The following ZNF586 variants were observed in gnomAD, a reference collection of about 807,000 sequenced individuals.
The protein encoded by ZNF586 is zinc finger protein 586.
Under a neutral mutation model 6.7 loss-of-function variants are expected in ZNF586, and 7 were observed. The observed-to-expected ratio is 1.04, with a 90% CI of 0.59 to 1.95. The LOEUF is 1.95. Ranked by LOEUF, ZNF586 falls within the 30% of genes most tolerant of loss-of-function variation. The probability of loss-of-function intolerance (pLI) is 0.00; values close to 1 mark genes in which losing one functional copy is unlikely to be tolerated. For synonymous variants in ZNF586, 166 were observed against 168.7 expected, an observed-to-expected ratio of 0.98 and a Z score of 0.12; for missense variants, 442 against 489.6, an observed-to-expected ratio of 0.90 and a Z score of 0.92.
At chr19:57,771,692 A>G (rs918774865) in intron 1 of ZNF586, among the ~76,000 whole-genome samples, 3 of 152,176 alleles carry the variant, frequency 2.0e-5, no homozygotes, top group African/African-American at 7.2e-5. Context: ...TGAGTGGGCA[A>G]CAGACTGTGG....
intron 1 of ZNF586, among the ~76,000 whole-genome samples, chr19:57,771,410 T>C (rs1037181388): frequency 2.6e-5 from 4 of 151,818 alleles, no homozygotes; most frequent in African/African-American, 4.8e-5. Flanking sequence ...CCCAAAGTGC[T>C]GGGATGCCAA....
intron 1 of ZNF586, among the ~76,000 whole-genome samples, chr19:57,770,707 A>T (rs182170556): frequency 1.3e-5 from 2 of 152,334 alleles, no homozygotes; most frequent in East Asian, 3.9e-4. Context: ...GAGTCTATCA[A>T]ATCCGAGCAC....
chr19:57,769,924 C>G (rs1428425421), intron 1 of ZNF586, 46 bp downstream of exon 1: 1 of 1,400,160 alleles, frequency 7.1e-7, no homozygotes. Context: ...CCCACCCAGA[C>G]CCTGAGGCCC....
chr19:57,778,660 A>G (rs935062784), intron 2 of ZNF586, 91 bp from the exon 3 acceptor site: 11 of 1,208,498 alleles, frequency 9.1e-6, no homozygotes, highest in Non-Finnish European at 1.3e-5. Context: ...AATTCCATAG[A>G]CTAGTTTTTT....
chr19:57,774,658 G>A (rs72490767), intron 1 of ZNF586: 1 of 286,418 alleles, frequency 3.5e-6, no homozygotes, highest in African/African-American at 3.1e-5. Flanking sequence ...GGTTCTTTTT[G>A]TCTGTGGATT....
intron 1 of ZNF586, 25 bp downstream of exon 1, chr19:57,769,903 T>TTGCCC: frequency 8.8e-6 from 13 of 1,475,818 alleles, no homozygotes; most frequent in Non-Finnish European, 1.2e-5. Context: ...CTCCGGGCCT[T>TTGCCC]ACCCACCCTA....
At chr19:57,774,568 AAAT>A (rs1450734234) in intron 1 of ZNF586, among the ~76,000 whole-genome samples, 4 of 146,774 alleles carry the variant, frequency 2.7e-5, no homozygotes, top group African/African-American at 8.1e-5. Context: ...ATAAATAAAT[AAAT>A]AAAAAGTCAT....
chr19:57,773,367 G>A (rs966148740), intron 1 of ZNF586, among the ~76,000 whole-genome samples: 1 of 150,720 alleles, frequency 6.6e-6, no homozygotes, highest in Non-Finnish European at 1.5e-5. Flanking sequence ...GAGGTAAATG[G>A]CCATGAAGGG....
chr19:57,770,080 C>A (rs945840401), intron 1 of ZNF586, among the ~76,000 whole-genome samples: 7 of 151,662 alleles, frequency 4.6e-5, no homozygotes, highest in Non-Finnish European at 8.8e-5. Flanking sequence ...GGCCTGCAGG[C>A]GCGACTGAGG....
At position 57,769,745 on chromosome 19, in the gene ZNF586, C is replaced by T. The variant is rs1024891821; in HGVS notation, c.-98C>T. The T allele has an allele frequency of 2.3e-6, 3 of 1,315,150 alleles. No individual in the cohort carries two copies. The highest frequency in any genetic ancestry group is 2.6e-5 in the East Asian group (1 of 39,054). 81.5% of individuals were successfully genotyped at this position (1,315,150 alleles called of 1,614,324 possible). A position where few individuals can be genotyped will look rare whatever the true frequency, so the allele number is the denominator to read the frequency against. On this transcript the variant is annotated 5_prime_UTR_variant, in exon 1 of 3. It introduces an in-frame stop codon into an upstream open reading frame of the 5' UTR. Transcript: ENST00000396154. Reference sequence around the variant, plus strand: ...GAGGAGTGGTTGTGGCCATTGCACACAGGCGGATCTGAGGTTCGGCGACGC... The same window carrying T: ...GAGGAGTGGTTGTGGCCATTGCACATAGGCGGATCTGAGGTTCGGCGACGC...
Position 57,779,334 on chromosome 19 carries a change from T to A in ZNF586, c.747T>A (p.Leu249=). ...CGRSFAENSS[L]IKHLRVHTGE... ...GATCCTTTGCTGAAAACTCCAGTCT[T>A]ATTAAACACTTGAGAGTTCACACAG... The change falls in exon 3 of 3, where the codon CTT becomes CTA. Residue 249 remains leucine (L), a synonymous_variant. Transcript: ENST00000396154. 1 of 1,613,164 alleles carries A rather than the reference T, an allele frequency of 6.2e-7. No individual in the cohort carries two copies. Among genetic ancestry groups the A allele is most frequent in the Non-Finnish European group, 8.5e-7 (1 of 1,179,834 alleles).
At chr19:57,775,856 C>A (rs62128156) in intron 1 of ZNF586, among the ~76,000 whole-genome samples, 5 of 152,176 alleles carry the variant, frequency 3.3e-5, no homozygotes, top group Non-Finnish European at 7.4e-5. Context: ...CCCGCCTCGG[C>A]GTCCCAAATT....
In ZNF586 at chr19:57,779,917, TTCTTTACATA is replaced by T; in HGVS notation, c.*122_*131del. ...AATATTCTTTAGCTAGAATGCTAGC[TTCTTTACATA>T]AAAGAGTGCTCCCACTGAAGAAGTG... On this transcript the variant is annotated 3_prime_UTR_variant, in exon 3 of 3. Transcript: ENST00000396154. 1.1e-6 allele frequency: 1 copy of T among 891,700 alleles called. No homozygotes were observed. Among genetic ancestry groups the T allele is most frequent in the Non-Finnish European group, 1.7e-6 (1 of 595,814 alleles). 55.2% of individuals were successfully genotyped at this position (891,700 alleles called of 1,614,324 possible). A position where few individuals can be genotyped will look rare whatever the true frequency, so the allele number is the denominator to read the frequency against.
Position 57,779,288 on chromosome 19 carries a change from A to C in ZNF586, c.701A>C (p.Tyr234Ser), listed in dbSNP as rs781330596. The C allele has an allele frequency of 6.2e-7, 1 of 1,614,214 alleles. No homozygotes were observed. The highest frequency in any genetic ancestry group is 1.7e-5 in the Admixed American group (1 of 60,030). The change falls in exon 3 of 3, where the codon TAT (tyrosine) becomes TCT (serine). Residue 234 changes from tyrosine (Y) to serine (S), a missense_variant. Transcript: ENST00000396154. Reference protein sequence around the residue: ...HRRIHTGERPYECSECGRSFA... With the variant: ...HRRIHTGERPSECSECGRSFA... ...AGGATTCACACTGGAGAGAGGCCTTATGAGTGCAGTGAATGTGGGAGATCC... is the reference window on the plus strand; with the variant it reads ...AGGATTCACACTGGAGAGAGGCCTTCTGAGTGCAGTGAATGTGGGAGATCC...
chr19:57,770,161 T>TC (rs1987057056), intron 1 of ZNF586, among the ~76,000 whole-genome samples: 2 of 146,980 alleles, frequency 1.4e-5, no homozygotes, highest in East Asian at 2.1e-4. Flanking sequence ...TTATTTCTTT[T>TC]TTTTTTTTTT....
rs1987350504 is a variant in ZNF586 at position 57,780,082 on chromosome 19, C to A, written c.*286C>A. 4.9e-6 allele frequency: 2 copies of A among 407,034 alleles called. No homozygotes were observed. The highest frequency in any genetic ancestry group is 8.7e-6 in the Non-Finnish European group (2 of 229,880). The allele number at this position is 407,034 out of a possible 1,614,324, so 25.2% of individuals were successfully genotyped here. ...TTCTTCAATATAACACTGGAGGAAA[C>A]CCCTTATGAGGATGCCATCTGCCTA... On this transcript the variant is annotated 3_prime_UTR_variant, in exon 3 of 3. Transcript: ENST00000396154.
Position 57,779,145 on chromosome 19 carries a change from C to T in ZNF586, c.558C>T (p.Ala186=). The T allele has an allele frequency of 6.2e-7, 1 of 1,613,700 alleles. No homozygotes were observed. The highest frequency in any genetic ancestry group is 8.5e-7 in the Non-Finnish European group (1 of 1,179,936). ...RPYECIECGK[A]FAEKSSLINH... ...ATGAGTGTATTGAATGTGGGAAAGC[C>T]TTTGCTGAAAAGTCCAGTCTCATTA... The change falls in exon 3 of 3, where the codon GCC becomes GCT. Residue 186 remains alanine, a synonymous_variant. Transcript: ENST00000396154.
At chr19:57,774,458 G>T (rs2122557631) in intron 1 of ZNF586, among the ~76,000 whole-genome samples, 1 of 151,780 alleles carries the variant, frequency 6.6e-6, no homozygotes, top group African/African-American at 2.4e-5. Flanking sequence ...GGGAGGTGGA[G>T]GTTGCGGTGA....
intron 1 of ZNF586, among the ~76,000 whole-genome samples, chr19:57,772,017 G>C (rs1226737611): frequency 1.3e-5 from 2 of 152,082 alleles, no homozygotes; most frequent in African/African-American, 4.8e-5. Context: ...TAGAGACTAG[G>C]TTTCGCCATA....
Sources: allele counts gnomAD v4.1 joint callset (sites outside exome capture counted in the v4.1 genomes callset), GRCh38; gene constraint gnomAD v4.1.1; transcripts MANE v1.5; gene names NCBI Gene and HGNC (gene_info 2026-07-23, HGNC 2026-07-21).